Variants in CCNY observed in about 807,000 individuals in gnomAD.
CCNY encodes the protein cyclin Y.
A neutral mutation model predicts 42.8 loss-of-function variants in CCNY; 19 were observed. That is an observed-to-expected ratio of 0.44 (90% CI 0.31 to 0.65). CCNY has a LOEUF of 0.65. CCNY is among the 30% of genes least tolerant of loss of function. The pLI is 0.07. For synonymous variants in CCNY, 165 were observed against 162.7 expected, an observed-to-expected ratio of 1.01 and a Z score of -0.11; for missense variants, 370 against 437.3, an observed-to-expected ratio of 0.85 and a Z score of 1.37.
intron 1 of CCNY, among the ~76,000 whole-genome samples, chr10:35,463,885 C>A (rs1839206077): frequency 6.6e-6 from 1 of 152,176 alleles, no homozygotes; most frequent in Admixed American, 6.5e-5. Context: ...TCCTGATCAT[C>A]AGCAAAGAAG....
chr10:35,480,287 C>G (rs1411593757), intron 1 of CCNY, among the ~76,000 whole-genome samples: 1 of 152,166 alleles, frequency 6.6e-6, no homozygotes, highest in Non-Finnish European at 1.5e-5. Flanking sequence ...TTCTTAGCCT[C>G]CCACTTGGTG....
intron 1 of CCNY, among the ~76,000 whole-genome samples, chr10:35,338,131 ATCT>A (rs1199637211): frequency 2.0e-5 from 3 of 152,248 alleles, no homozygotes; most frequent in Admixed American, 6.5e-5. Flanking sequence ...TAACCCAAAC[ATCT>A]TCTCATAGTT....
At chr10:35,275,762 C>CA (rs879751962) in intron 3 of CCNY, among the ~76,000 whole-genome samples, 117 of 137,328 alleles carry the variant, frequency 8.5e-4, no homozygotes, top group African/African-American at 7.3e-4. Context: ...GACTCCGTCT[C>CA]AAAAAAAAAA....
chr10:35,553,069 C>T lies in CCNY; in HGVS notation c.630C>T (p.Ala210=), dbSNP rs773480087. ...ACGCAGAGATAGATATCTGTCCGGC[C>T]AACTGGAAGCGGATTGTTTTAGGGG... is the stretch of plus-strand genomic sequence containing the variant. ...LTYAEIDICP[A]NWKRIVLGAI... is the part of the protein sequence containing the mutation. The change falls in exon 8 of 10, where the codon GCC becomes GCT. Residue 210 remains alanine (A), a synonymous_variant. Transcript: ENST00000374704. The T allele has an allele frequency of 6.2e-7, 1 of 1,614,138 alleles. No individual in the cohort carries two copies. The highest frequency in any genetic ancestry group is 8.5e-7 in the Non-Finnish European group (1 of 1,180,028).
intron 3 of CCNY, among the ~76,000 whole-genome samples, chr10:35,503,449 C>T (rs752114928): frequency 3.9e-5 from 6 of 152,180 alleles, no homozygotes; most frequent in Non-Finnish European, 8.8e-5. Context: ...TCAGTCCTGC[C>T]ACGCTAGGAA....
At chr10:35,525,675 G>A (rs2135418400) in intron 4 of CCNY, among the ~76,000 whole-genome samples, 2 of 151,806 alleles carry the variant, frequency 1.3e-5, no homozygotes, top group East Asian at 3.9e-4. Flanking sequence ...TTTCCCACAA[G>A]TGAGGAAAGC....
chr10:35,402,552 G>A (rs1019515174), intron 1 of CCNY, among the ~76,000 whole-genome samples: 1 of 152,118 alleles, frequency 6.6e-6, no homozygotes, highest in Non-Finnish European at 1.5e-5. Flanking sequence ...AGTAAGTTGA[G>A]GTCTCCGTGA....
rs182722441 is a variant in CCNY, at chr10:35,474,129, C to A, written c.155-9275C>A. On this transcript the variant is annotated intron_variant, in intron 1 of 9. Coordinates refer to ENST00000374704, the MANE Select transcript of CCNY (RefSeq NM_145012.6). The stretch of plus-strand genomic sequence containing the variant: ...CGCACCACGAGATTATATCCCGCAC[C>A]TGGCTTGGAGGGTCCTACCCCACGG... Among the ~76,000 whole-genome samples, 1,485 of 152,330 alleles carry A rather than the reference C, an allele frequency of 9.7e-3. 31 individuals carry two copies. The highest frequency in any genetic ancestry group is 0.034 in the African/African-American group (1,422 of 41,576).
chr10:35,330,748 C>A (rs2135104266), intron 3 of CCNY, among the ~76,000 whole-genome samples: 1 of 147,810 alleles, frequency 6.8e-6, no homozygotes, highest in African/African-American at 2.5e-5. Flanking sequence ...AGAGAAGAGG[C>A]AGCTTTTATT....
chr10:35,338,926 A>G (rs1021901666), intron 1 of CCNY, among the ~76,000 whole-genome samples: 10 of 152,226 alleles, frequency 6.6e-5, no homozygotes, highest in African/African-American at 2.2e-4. Context: ...GCTCAGTACA[A>G]TTTTGCCAGA....
At chr10:35,252,491 G>C (rs976521926) in intron 3 of CCNY, among the ~76,000 whole-genome samples, 14 of 151,120 alleles carry the variant, frequency 9.3e-5, no homozygotes, top group Admixed American at 2.0e-4. Flanking sequence ...GCGTGAACCT[G>C]GGAAGCGGAG....
intron 3 of CCNY, among the ~76,000 whole-genome samples, chr10:35,262,447 C>T (rs1263453547): frequency 6.6e-6 from 1 of 151,572 alleles, no homozygotes; most frequent in East Asian, 1.9e-4. Flanking sequence ...CAACCTCTGA[C>T]TCCTGGGTTC....
At chr10:35,567,039 T>G (rs982966862) in intron 9 of CCNY, among the ~76,000 whole-genome samples, 1 of 152,178 alleles carries the variant, frequency 6.6e-6, no homozygotes, top group African/African-American at 2.4e-5. Flanking sequence ...TTTAAAACCC[T>G]TACCTTTACG....
At chr10:35,529,642 C>A (rs1026855794) in intron 5 of CCNY, among the ~76,000 whole-genome samples, 1 of 151,858 alleles carries the variant, frequency 6.6e-6, no homozygotes, top group Non-Finnish European at 1.5e-5. Flanking sequence ...GCAGGTGGAT[C>A]TCCTGAGGTC....
intron 1 of CCNY, among the ~76,000 whole-genome samples, chr10:35,448,789 C>T (rs192978514): frequency 5.3e-5 from 8 of 152,144 alleles, no homozygotes; most frequent in East Asian, 3.9e-4. Flanking sequence ...GTACTTTGCA[C>T]TCTAGAATGG....
chr10:35,564,329 C>T (rs374406941), intron 8 of CCNY, among the ~76,000 whole-genome samples: 36 of 152,286 alleles, frequency 2.4e-4, no homozygotes, highest in African/African-American at 8.2e-4. Context: ...TTCCTTGCCG[C>T]CTGCCCACAG....
At chr10:35,487,620 C>T (rs1308865348) in intron 2 of CCNY, among the ~76,000 whole-genome samples, 1 of 152,018 alleles carries the variant, frequency 6.6e-6, no homozygotes, top group Non-Finnish European at 1.5e-5. Context: ...TTAGGCTGGA[C>T]GTGGAACTTT....
chr10:35,279,123 T>G (rs545439366), intron 3 of CCNY, among the ~76,000 whole-genome samples: 44 of 149,586 alleles, frequency 2.9e-4, no homozygotes, highest in South Asian at 4.3e-4. Context: ...TTTTTTTTTT[T>G]TTTTTTTTTT....
intron 1 of CCNY, among the ~76,000 whole-genome samples, chr10:35,477,034 T>A (rs1248493461): frequency 1.3e-5 from 2 of 152,182 alleles, no homozygotes; most frequent in Non-Finnish European, 2.9e-5. Context: ...CTAGAAAATC[T>A]AGAAGAAATG....
Sources: allele counts gnomAD v4.1 joint callset (sites outside exome capture counted in the v4.1 genomes callset), GRCh38; gene constraint gnomAD v4.1.1; transcripts MANE v1.5; gene names NCBI Gene and HGNC (gene_info 2026-07-23, HGNC 2026-07-21).